The following PAK3 variants were observed in gnomAD, a reference collection of about 807,000 sequenced individuals.
PAK3 encodes the protein serine/threonine-protein kinase PAK 3.
PAK3 carries 4 observed loss-of-function variants against 41.0 expected under a neutral mutation model. That is an observed-to-expected ratio of 0.10 (90% CI 0.05 to 0.22). The LOEUF (loss-of-function observed/expected upper bound fraction) is 0.22, where lower values mean the gene tolerates loss of function less well. PAK3 is among the 10% of genes least tolerant of loss of function. The pLI is 1.00. For synonymous variants in PAK3, 146 were observed against 139.6 expected, an observed-to-expected ratio of 1.05 and a Z score of -0.32; for missense variants, 205 against 409.9, an observed-to-expected ratio of 0.50 and a Z score of 4.32.
intron 1 of PAK3, among the ~76,000 whole-genome samples, chrX:110,960,750 C>T (rs2090962701): frequency 8.9e-6 from 1 of 111,803 alleles, no homozygotes. Context: ...AACCTGTCCC[C>T]ATTGCCAGCT....
rs2094923339 is a variant in PAK3 at position 111,220,945 on chromosome X, C to CAAAAAAAAAAAAAAAACAA, written c.*514_*515insCAAAAAAAAAAAAAAAAAA. On this transcript the variant is annotated 3_prime_UTR_variant, in exon 18 of 18. Transcript: ENST00000372007. ...AAAAAAGAAAGCAAAAAAAGCAAGG[C>CAAAAAAAAAAAAAAAACAA]AAAAAAAAAAAAAAAAACAAACAAA... 2.0e-5 allele frequency: 1 copy of CAAAAAAAAAAAAAAAACAA among 49,449 alleles called. No individual in the cohort carries two copies. Among genetic ancestry groups the CAAAAAAAAAAAAAAAACAA allele is most frequent in the Non-Finnish European group, 3.5e-5 (1 of 28,198 alleles). 4.1% of individuals were successfully genotyped at this position (49,449 alleles called of 1,213,427 possible). A position where few individuals can be genotyped will look rare whatever the true frequency, so the allele number is the denominator to read the frequency against.
intron 5 of PAK3, among the ~76,000 whole-genome samples, chrX:111,127,633 A>G (rs2093666089): frequency 9.0e-6 from 1 of 110,805 alleles, no homozygotes; most frequent in Non-Finnish European, 1.9e-5. Flanking sequence ...ATATGGGTTG[A>G]TTTTATTTTA....
At chrX:111,003,786 C>A (rs113449201) in intron 1 of PAK3, among the ~76,000 whole-genome samples, 88 of 111,492 alleles carry the variant, frequency 7.9e-4, no homozygotes, top group African/African-American at 2.6e-3. Context: ...AAGACAATAT[C>A]ATGAAAAACA....
chrX:111,142,307 G>T, intron 6 of PAK3, 111 bp downstream of exon 6: 1 of 565,664 alleles, frequency 1.8e-6, no homozygotes, highest in Non-Finnish European at 3.2e-6. Flanking sequence ...TATTTTTGAT[G>T]GTTCCAAATA....
At chrX:111,161,226 G>A (rs148782525) in intron 8 of PAK3, among the ~76,000 whole-genome samples, 32 of 112,168 alleles carry the variant, frequency 2.9e-4, no homozygotes, top group African/African-American at 1.0e-3. Context: ...GTGATGATGA[G>A]CATTTTTTCA....
intron 11 of PAK3, among the ~76,000 whole-genome samples, chrX:111,189,123 G>A (rs1343455949): frequency 9.0e-6 from 1 of 110,967 alleles, no homozygotes; most frequent in African/African-American, 3.3e-5. Context: ...CCAGCTTTAT[G>A]TTCATGCGTA....
chrX:111,043,116 C>A (rs1247620422), intron 1 of PAK3, among the ~76,000 whole-genome samples: 2 of 109,520 alleles, frequency 1.8e-5, no homozygotes, highest in Admixed American at 9.7e-5. Context: ...ATAGCAACAC[C>A]CTGTCTCTAC....
intron 1 of PAK3, among the ~76,000 whole-genome samples, chrX:111,007,440 G>A (rs918429032): frequency 1.8e-5 from 2 of 112,087 alleles, no homozygotes; most frequent in African/African-American, 6.5e-5. Flanking sequence ...GGGTGGCAGT[G>A]GAGCCAAGCT....
intron 1 of PAK3, among the ~76,000 whole-genome samples, chrX:111,011,565 C>G (rs961950648): frequency 1.2e-4 from 13 of 112,402 alleles, no homozygotes; most frequent in African/African-American, 3.6e-4. Context: ...CTTTTAAATA[C>G]TACATATCAT....
At chrX:111,086,328 G>A (rs543661529) in intron 1 of PAK3, among the ~76,000 whole-genome samples, 31 of 111,160 alleles carry the variant, frequency 2.8e-4, no homozygotes, top group African/African-American at 9.8e-4. Context: ...AAAGCCTAGG[G>A]TTGGGGGAAG....
chrX:111,091,134 G>A (rs1219049534), intron 1 of PAK3, among the ~76,000 whole-genome samples: 1 of 111,615 alleles, frequency 9.0e-6, no homozygotes, highest in Non-Finnish European at 1.9e-5. Context: ...GAGCCACCTG[G>A]ATTTAATTGT....
intron 11 of PAK3, among the ~76,000 whole-genome samples, chrX:111,181,224 A>G (rs2094458439): frequency 8.9e-6 from 1 of 112,248 alleles, no homozygotes; most frequent in Non-Finnish European, 1.9e-5. Context: ...TATAATGCCA[A>G]AGTATCTTTG....
At position 111,053,113 on chromosome X, in the gene PAK3, C is replaced by T. The variant is rs777023540; in HGVS notation, c.-27-69964C>T. Reference sequence around the variant, plus strand: ...CCTGTGTAACTGAGGTAAAGGGTTTCTGAAGCCAGGCCTTCTTGTATTTTT... The same window carrying T: ...CCTGTGTAACTGAGGTAAAGGGTTTTTGAAGCCAGGCCTTCTTGTATTTTT... On this transcript the variant is annotated intron_variant, in intron 1 of 14. Transcript: ENST00000425146. Among the ~76,000 whole-genome samples, 19 of 111,833 alleles carry T rather than the reference C, an allele frequency of 1.7e-4. No homozygotes were observed. The East Asian group carries it at 5.1e-3, about 30-fold the overall frequency.
chrX:111,019,451 T>C (rs2092140091), intron 1 of PAK3, among the ~76,000 whole-genome samples: 1 of 105,434 alleles, frequency 9.5e-6, no homozygotes, highest in Non-Finnish European at 1.9e-5. Flanking sequence ...CCCAGCACTT[T>C]GTGAGGCCAA....
chrX:111,056,325 A>G (rs1294770691), intron 1 of PAK3, among the ~76,000 whole-genome samples: 2 of 112,108 alleles, frequency 1.8e-5, no homozygotes, highest in Non-Finnish European at 3.8e-5. Context: ...CTCTGGGTAA[A>G]AAAGTCAAGT....
chrX:111,160,581 G>A (rs78061129), intron 8 of PAK3, among the ~76,000 whole-genome samples: 279 of 106,422 alleles, frequency 2.6e-3, no homozygotes, highest in Middle Eastern at 4.9e-3. Flanking sequence ...TCATCATTTA[G>A]CATTAGGTAT....
At chrX:111,085,270 G>C (rs1190586729) in intron 1 of PAK3, among the ~76,000 whole-genome samples, 1 of 111,161 alleles carries the variant, frequency 9.0e-6, no homozygotes, top group Non-Finnish European at 1.9e-5. Flanking sequence ...TATCCCAGGG[G>C]CTTGGCTAAA....
At chrX:111,008,579 G>A (rs916053985) in intron 1 of PAK3, among the ~76,000 whole-genome samples, 30 of 112,574 alleles carry the variant, frequency 2.7e-4, no homozygotes, top group Non-Finnish European at 3.2e-4. Context: ...TATGCTGCAA[G>A]CACAGCCATC....
chrX:111,134,650 T>C (rs573769471), intron 5 of PAK3, among the ~76,000 whole-genome samples: 1 of 111,253 alleles, frequency 9.0e-6, no homozygotes, highest in South Asian at 3.8e-4. Context: ...AAGTGTAATA[T>C]GTAGGAGTGA....
Sources: allele counts gnomAD v4.1 joint callset (sites outside exome capture counted in the v4.1 genomes callset), GRCh38; gene constraint gnomAD v4.1.1; transcripts MANE v1.5; gene names NCBI Gene and HGNC (gene_info 2026-07-23, HGNC 2026-07-21).